LMNA: variants seen among roughly 807,000 people sequenced by gnomAD.
LMNA encodes the protein lamin A/C, also known as lamin.
Under a neutral mutation model 70.4 loss-of-function variants are expected in LMNA, and 20 were observed. That is an observed-to-expected ratio of 0.28 (90% CI 0.20 to 0.41). The LOEUF (loss-of-function observed/expected upper bound fraction) is 0.41. Among genes scored for constraint, LMNA ranks in the 10% least tolerant of loss-of-function variants. The probability of loss-of-function intolerance (pLI) is 1.00; values close to 1 mark genes in which losing one functional copy is unlikely to be tolerated. For missense variants in LMNA, 652 were observed against 917.2 expected, an observed-to-expected ratio of 0.71 and a Z score of 3.73; for synonymous variants, 339 against 372.8, an observed-to-expected ratio of 0.91 and a Z score of 1.04.
chr1:156,118,476 C>T (rs1649984209), intron 1 of LMNA, among the ~76,000 whole-genome samples: 1 of 152,110 alleles, frequency 6.6e-6, no homozygotes, highest in African/African-American at 2.4e-5. Flanking sequence ...CCTCTGTTCT[C>T]CCCCACTGAT....
intron 2 of LMNA, among the ~76,000 whole-genome samples, chr1:156,133,946 G>A (rs1651299598): frequency 6.6e-6 from 1 of 152,160 alleles, no homozygotes; most frequent in African/African-American, 2.4e-5. Flanking sequence ...TGTCCCCTCA[G>A]TACTTTGCAC....
At position 156,134,292 on chromosome 1, in the gene LMNA, C is replaced by A; in HGVS notation, c.514-111C>A. 8.0e-7 allele frequency: 1 copy of A among 1,243,748 alleles called. No individual in the cohort carries two copies. Among genetic ancestry groups the A allele is most frequent in the Non-Finnish European group, 1.1e-6 (1 of 872,506 alleles). The allele number at this position is 1,243,748 out of a possible 1,614,324, so 77.0% of individuals were successfully genotyped here. ...GCATCCAAGGCCCTCCTTCCCTGGA[C>A]CTGTTTCCACATGTGTGAAGGGGTG... On this transcript the variant is annotated intron_variant, in intron 2 of 11. Transcript: ENST00000368300. This position sits in a 1 kb window ranked among gnomAD's most constrained non-coding sequence, Gnocchi z 5.3.
chr1:156,134,537 T>G lies in LMNA; in HGVS notation c.639+9T>G, dbSNP rs745768694. The G allele has an allele frequency of 4.3e-6, 7 of 1,613,784 alleles. No homozygotes were observed. In the South Asian group the frequency reaches 7.7e-5, roughly 18 times the overall value. On this transcript the variant is annotated intron_variant, in intron 3 of 11. Transcript: ENST00000368300. The surrounding 1 kb of genome is among the most constrained non-coding windows in gnomAD (Gnocchi z 5.3). ...AGAACATCTACAGTGAGGTGGGGAC[T>G]GTGCTTTGCAAGCCAGAGGGCTGGG...
chr1:156,115,804 C>T lies in LMNA; in HGVS notation c.356+530C>T, dbSNP rs1490176181. Among the ~76,000 whole-genome samples the T allele has an allele frequency of 6.6e-6, 1 of 152,224 alleles. No individual in the cohort carries two copies. The highest frequency in any genetic ancestry group is 6.5e-5 in the Admixed American group (1 of 15,284). ...TCTGTCCAGCGTGTTGGAGCGAGGT[C>T]AGGAAGGCAGGGCAATCCCCCTTTT... is the stretch of plus-strand genomic sequence containing the variant. On this transcript the variant is annotated intron_variant, in intron 1 of 11. Transcript: ENST00000368300. This position sits in a 1 kb window ranked among gnomAD's most constrained non-coding sequence, Gnocchi z 5.8.
rs1060502211 is a variant in LMNA at position 156,135,952 on chromosome 1, G to A, written c.988G>A (p.Glu330Lys). ...LRDLEDSLAR[E>K]RDTSRRLLAE... is the part of the protein sequence containing the mutation. ...AGACCTGGAGGACTCACTGGCCCGT[G>A]AGCGGGACACCAGCCGGCGGCTGCT... The change falls in exon 6 of 12, where the codon GAG becomes AAG. Residue 330 changes from glutamate to lysine, a missense_variant. By Grantham distance (56) the Glu-to-Lys change is moderately conservative. Around this residue, in one of 4 missense-constraint regions of LMNA, gnomAD observed 38 missense variants for 32.5 expected, o/e 1.17. Coordinates refer to ENST00000368300, the MANE Select transcript of LMNA (RefSeq NM_170707.4). The surrounding 1 kb of genome is among the most constrained non-coding windows in gnomAD (Gnocchi z 4.8). 1.2e-6 allele frequency: 2 copies of A among 1,613,950 alleles called. No homozygotes were observed. Among genetic ancestry groups the A allele is most frequent in the Non-Finnish European group, 1.7e-6 (2 of 1,179,998 alleles).
At chr1:156,088,046 A>G (rs1456378122) in intron 2 of LMNA, among the ~76,000 whole-genome samples, 2 of 151,032 alleles carry the variant, frequency 1.3e-5, no homozygotes, top group Admixed American at 6.6e-5. Flanking sequence ...TAATTTTTGT[A>G]TTTTTAGTAG....
In LMNA at chr1:156,139,174, C is replaced by T. The variant is rs1222374505; in HGVS notation, c.*68C>T. On this transcript the variant is annotated 3_prime_UTR_variant, in exon 12 of 12. Transcript: ENST00000368300. The stretch of plus-strand genomic sequence containing the variant: ...GTCCTCCTCACCTCATGCCCACCCC[C>T]TGCCCTGCACGTCATGGGAGGGGGC... The T allele has an allele frequency of 1.4e-5, 22 of 1,611,566 alleles. No homozygotes were observed. The South Asian group carries it at 2.3e-4, about 17-fold the overall frequency.
Position 156,135,056 on chromosome 1 carries a change from G to A in LMNA, c.810+81G>A. 1 of 1,609,782 alleles carries A rather than the reference G, an allele frequency of 6.2e-7. No homozygotes were observed. On this transcript the variant is annotated intron_variant, in intron 4 of 11. Coordinates refer to ENST00000368300, the MANE Select transcript of LMNA (RefSeq NM_170707.4). The surrounding 1 kb of genome is among the most constrained non-coding windows in gnomAD (Gnocchi z 4.8). Reference sequence around the variant, plus strand: ...ACCCACGCTGGGCTATGCCTTCTGGGGATCAGGCAGATGGTGGCAGGGAGC... The same window carrying A: ...ACCCACGCTGGGCTATGCCTTCTGGAGATCAGGCAGATGGTGGCAGGGAGC...
At position 156,134,495 on chromosome 1, in the gene LMNA, G is replaced by A. The variant is rs963378138; in HGVS notation, c.606G>A (p.Glu202=). The change falls in exon 3 of 12, where the codon GAG becomes GAA. Residue 202 remains glutamate (E), a synonymous_variant. Coordinates refer to ENST00000368300, the MANE Select transcript of LMNA (RefSeq NM_170707.4). This position sits in a 1 kb window ranked among gnomAD's most constrained non-coding sequence, Gnocchi z 5.3. ...DAENRLQTMK[E]ELDFQKNIYS... is the part of the protein sequence containing the mutation. Reference sequence around the variant, plus strand: ...AGAACAGGCTGCAGACCATGAAGGAGGAACTGGACTTCCAGAAGAACATCT... The same window carrying A: ...AGAACAGGCTGCAGACCATGAAGGAAGAACTGGACTTCCAGAAGAACATCT... 1 of 1,614,100 alleles carries A rather than the reference G, an allele frequency of 6.2e-7. No homozygotes were observed. Among genetic ancestry groups the A allele is most frequent in the African/African-American group, 1.3e-5 (1 of 74,952 alleles).
chr1:156,113,470 G>A (rs1161757763), upstream of LMNA, among the ~76,000 whole-genome samples: 1 of 152,148 alleles, frequency 6.6e-6, no homozygotes, highest in Non-Finnish European at 1.5e-5. Flanking sequence ...CGAACCCTGG[G>A]GACCTGAGTG....
chr1:156,116,295 C>T (rs542920168), intron 1 of LMNA, among the ~76,000 whole-genome samples: 14 of 152,242 alleles, frequency 9.2e-5, no homozygotes, highest in African/African-American at 2.9e-4. Flanking sequence ...GAAATCCAGC[C>T]GTTGGAAGAT....
intron 3 of LMNA, among the ~76,000 whole-genome samples, chr1:156,107,023 G>A (rs1649375242): frequency 6.6e-6 from 1 of 152,166 alleles, no homozygotes; most frequent in Non-Finnish European, 1.5e-5. Context: ...GAAACCTGGG[G>A]TTTGGGCCTG....
intron 1 of LMNA, among the ~76,000 whole-genome samples, chr1:156,124,915 T>C (rs2102845321): frequency 6.6e-6 from 1 of 152,328 alleles, no homozygotes; most frequent in African/African-American, 2.4e-5. Context: ...TTACTGGGTC[T>C]CTCTGTGTTA....
At chr1:156,094,248 G>A (rs1264237469) in intron 3 of LMNA, among the ~76,000 whole-genome samples, 1 of 152,158 alleles carries the variant, frequency 6.6e-6, no homozygotes, top group Non-Finnish European at 1.5e-5. Context: ...ATCCTCTAGG[G>A]CTTTGCACAC....
intron 3 of LMNA, among the ~76,000 whole-genome samples, chr1:156,101,095 T>G (rs565484901): frequency 6.6e-6 from 1 of 152,142 alleles, no homozygotes; most frequent in African/African-American, 2.4e-5. Context: ...CGGAGGGCAT[T>G]ACAAGTCAGG....
chr1:156,137,398 C>T lies in LMNA; in HGVS notation c.1608+166C>T. The T allele has an allele frequency of 1.1e-6, 1 of 895,730 alleles. No individual in the cohort carries two copies. Among genetic ancestry groups the T allele is most frequent in the African/African-American group, 1.7e-5 (1 of 60,590 alleles). 55.5% of individuals were successfully genotyped at this position (895,730 alleles called of 1,614,324 possible). A position where few individuals can be genotyped will look rare whatever the true frequency, so the allele number is the denominator to read the frequency against. On this transcript the variant is annotated intron_variant, in intron 9 of 11. Transcript: ENST00000368300. This position sits in a 1 kb window ranked among gnomAD's most constrained non-coding sequence, Gnocchi z 4.6. ...CCAGTAGGCAAACCAAAAGATGCTT[C>T]CTCAACAGCACAAGGGGTGGAAGTT...
intron 2 of LMNA, among the ~76,000 whole-genome samples, chr1:156,083,921 AT>A (rs1374034787): frequency 2.0e-5 from 3 of 152,186 alleles, no homozygotes; most frequent in Admixed American, 1.3e-4. Context: ...GTGGAGTGTA[AT>A]GCAATTTTTT....
intron 3 of LMNA, among the ~76,000 whole-genome samples, chr1:156,100,978 A>C (rs1649120058): frequency 6.6e-6 from 1 of 152,150 alleles, no homozygotes; most frequent in Non-Finnish European, 1.5e-5. Flanking sequence ...AGTTGATCAG[A>C]GGGTAAAGTA....
rs897777233 is a variant in LMNA, at chr1:156,139,770, A to G, written c.*664A>G. The G allele has an allele frequency of 1.8e-5, 27 of 1,532,278 alleles. No homozygotes were observed. The highest frequency in any genetic ancestry group is 2.2e-5 in the Non-Finnish European group (25 of 1,145,432). 94.9% of individuals were successfully genotyped at this position (1,532,278 alleles called of 1,614,324 possible). A position where few individuals can be genotyped will look rare whatever the true frequency, so the allele number is the denominator to read the frequency against. On this transcript the variant is annotated 3_prime_UTR_variant, in exon 12 of 12. Coordinates refer to ENST00000368300, the MANE Select transcript of LMNA (RefSeq NM_170707.4). ...GCTTGCTTTTCTGTATTTTATTTAG[A>G]CAAGAGATGGGAATGAGGTGGGAGG...
Sources: gnomAD v4.1 joint callset for allele counts (sites outside exome capture counted in the v4.1 genomes callset) on GRCh38, gnomAD v4.1.1 for gene constraint, gnomAD v4.1.1 regional missense constraint, Gnocchi (gnomAD v3.1) non-coding constraint, MANE v1.5 for transcripts, NCBI Gene and HGNC (gene_info 2026-07-23, HGNC 2026-07-21) for gene names.